FGF12: variants seen among roughly 807,000 people sequenced by gnomAD.
FGF12 encodes the protein fibroblast growth factor 12B.
In FGF12, 14 loss-of-function variants were observed where a neutral mutation model predicts 23.6. The observed-to-expected ratio is 0.59, with a 90% CI of 0.39 to 0.93. FGF12 has a LOEUF of 0.93. FGF12 is among the 40% of genes least tolerant of loss of function. The pLI, the probability that FGF12 is intolerant of heterozygous loss-of-function variation, is 0.00. For synonymous variants in FGF12, 62 were observed against 77.3 expected (o/e 0.80, Z 1.04); for missense variants, 175 against 217.8 (o/e 0.80, Z 1.24).
intron 2 of FGF12, among the ~76,000 whole-genome samples, chr3:192,387,728 T>C (rs1560095450): frequency 6.6e-6 from 1 of 150,830 alleles, no homozygotes; most frequent in South Asian, 2.1e-4. Context: ...AATATATATA[T>C]ATATATAAAT....
chr3:192,557,671 A>T (rs535982652), intron 2 of FGF12, among the ~76,000 whole-genome samples: 6 of 151,496 alleles, frequency 4.0e-5, no homozygotes, highest in Non-Finnish European at 7.4e-5. Flanking sequence ...TCTCAACAAA[A>T]TGCTAGCAAA....
At chr3:192,407,978 A>C (rs1479539055) in intron 2 of FGF12, 2 of 1,531,518 alleles carry the variant, frequency 1.3e-6, no homozygotes, top group Non-Finnish European at 1.8e-6. Flanking sequence ...AGGAGGGAGA[A>C]AGAGGGCGTC....
chr3:192,399,919 CCCTATGTTCAGGGTG>C (rs1720685561), intron 2 of FGF12, among the ~76,000 whole-genome samples: 1 of 152,226 alleles, frequency 6.6e-6, no homozygotes, highest in South Asian at 2.1e-4. Flanking sequence ...AGTCATCCCT[CCCTATGTTCAGGGTG>C]AGGAGTGGTG....
At chr3:192,251,450 C>T (rs770015917) in intron 4 of FGF12, among the ~76,000 whole-genome samples, 80 of 152,254 alleles carry the variant, frequency 5.3e-4, no homozygotes, top group Non-Finnish European at 1.0e-3. Flanking sequence ...TAAAGCTAAA[C>T]ATAGGTAGCC....
intron 4 of FGF12, among the ~76,000 whole-genome samples, chr3:192,245,693 A>G (rs1711531028): frequency 6.6e-6 from 1 of 152,224 alleles, no homozygotes; most frequent in South Asian, 2.1e-4. Flanking sequence ...AGAATATAAT[A>G]GAATTTAATA....
At chr3:192,186,091 T>C (rs754538463) in intron 4 of FGF12, among the ~76,000 whole-genome samples, 36 of 152,196 alleles carry the variant, frequency 2.4e-4, no homozygotes, top group Non-Finnish European at 5.1e-4. Context: ...TGATTTTATG[T>C]TGAGTGTAAG....
chr3:192,353,971 A>T (rs1243215376), intron 3 of FGF12, among the ~76,000 whole-genome samples: 2 of 152,186 alleles, frequency 1.3e-5, no homozygotes, highest in South Asian at 4.1e-4. Flanking sequence ...TCCTCAGCTA[A>T]CCATTTGGAT....
chr3:192,165,783 C>G (rs1715131233), intron 5 of FGF12, among the ~76,000 whole-genome samples: 1 of 152,132 alleles, frequency 6.6e-6, no homozygotes, highest in Admixed American at 6.5e-5. Context: ...TTTGCATATT[C>G]ACAGGCTTAC....
chr3:192,374,698 C>G (rs1441772898), intron 2 of FGF12, among the ~76,000 whole-genome samples: 2 of 151,800 alleles, frequency 1.3e-5, no homozygotes, highest in Non-Finnish European at 2.9e-5. Flanking sequence ...TTTTTTTTCT[C>G]ATTTTATAGA....
intron 5 of FGF12, among the ~76,000 whole-genome samples, chr3:192,168,960 C>A (rs9852495): frequency 0.8 from 121,735 of 151,934 alleles, 48,820 homozygotes; most frequent in South Asian, 0.87. Flanking sequence ...TTATTTTTTT[C>A]CAAAGACTAA....
At chr3:192,543,445 A>T (rs373811703) in intron 2 of FGF12, among the ~76,000 whole-genome samples, 2 of 152,046 alleles carry the variant, frequency 1.3e-5, no homozygotes, top group African/African-American at 4.8e-5. Flanking sequence ...CAGAAATGCC[A>T]TTCAAGAACC....
intron 2 of FGF12, among the ~76,000 whole-genome samples, chr3:192,520,719 G>A (rs778681814): frequency 1.6e-4 from 24 of 152,118 alleles, no homozygotes; most frequent in Non-Finnish European, 2.9e-4. Flanking sequence ...AGTATAGCTT[G>A]ATAATCGTTA....
At chr3:192,251,084 T>C (rs1376586930) in intron 4 of FGF12, among the ~76,000 whole-genome samples, 1 of 152,158 alleles carries the variant, frequency 6.6e-6, no homozygotes. Flanking sequence ...GAGTCAATAA[T>C]GGAGCTACTG....
At chr3:192,367,155 C>T (rs1209777017) in intron 2 of FGF12, among the ~76,000 whole-genome samples, 1 of 152,206 alleles carries the variant, frequency 6.6e-6, no homozygotes, top group Non-Finnish European at 1.5e-5. Flanking sequence ...AGATGGTCCA[C>T]TAAATACAAT....
rs773467394 is a variant in FGF12 at position 192,727,224 on chromosome 3, A to G, written c.-31T>C. Reference sequence around the variant, plus strand: ...TCCCTTTCGAGTGCTGGGAAGTTCAATGGAAGTTGGCCGGAAGATGTGGGC... The same window carrying G: ...TCCCTTTCGAGTGCTGGGAAGTTCAGTGGAAGTTGGCCGGAAGATGTGGGC... On this transcript the variant is annotated 5_prime_UTR_variant, in exon 2 of 6. Coordinates refer to ENST00000445105, the MANE Select transcript of FGF12 (RefSeq NM_004113.6). The G allele has an allele frequency of 2.5e-6, 4 of 1,574,692 alleles. No homozygotes were observed. Among genetic ancestry groups the G allele is most frequent in the Admixed American group, 1.8e-5 (1 of 54,062 alleles).
intron 4 of FGF12, among the ~76,000 whole-genome samples, chr3:192,299,625 A>G (rs1383134815): frequency 1.3e-5 from 2 of 152,212 alleles, no homozygotes; most frequent in Non-Finnish European, 1.5e-5. Context: ...TCTAGGCATT[A>G]TGGAGGATAT....
Position 192,367,463 on chromosome 3 carries a change from T to C in FGF12, c.14-6925A>G, listed in dbSNP as rs182056757. On this transcript the variant is annotated intron_variant, in intron 2 of 5. Transcript: ENST00000445105. Reference sequence around the variant, plus strand: ...ATTAGACTATTAGGGTTAGAAAATGTTCATAAGCAAATACATTTCTGACCA... The same window carrying C: ...ATTAGACTATTAGGGTTAGAAAATGCTCATAAGCAAATACATTTCTGACCA... 1.5e-3 allele frequency among the ~76,000 whole-genome samples: 229 copies of C among 152,278 alleles called. 1 individual carries two copies. The highest frequency in any genetic ancestry group is 2.2e-3 in the Non-Finnish European group (147 of 68,016).
At chr3:192,387,718 A>AAT (rs61165047) in intron 2 of FGF12, among the ~76,000 whole-genome samples, 30,661 of 147,342 alleles carry the variant, frequency 0.21, 4,093 homozygotes, top group African/African-American at 0.38. Flanking sequence ...ACACACACAC[A>AAT]ATATATATAT....
intron 2 of FGF12, among the ~76,000 whole-genome samples, chr3:192,610,085 C>A (rs1714494680): frequency 6.6e-6 from 1 of 152,024 alleles, no homozygotes; most frequent in African/African-American, 2.4e-5. Flanking sequence ...ATTGGTGCCA[C>A]TATCATATAT....
Sources: allele counts gnomAD v4.1 joint callset (sites outside exome capture counted in the v4.1 genomes callset), GRCh38; gene constraint gnomAD v4.1.1; transcripts MANE v1.5; gene names NCBI Gene and HGNC (gene_info 2026-07-23, HGNC 2026-07-21).